SRD5A2: variants seen among roughly 807,000 people sequenced by gnomAD.
The protein encoded by SRD5A2 is steroid 5 alpha-reductase 2.
SRD5A2 carries 30 observed loss-of-function variants against 27.4 expected under a neutral mutation model. The observed-to-expected ratio is 1.10, with a 90% confidence interval of 0.82 to 1.49. The LOEUF is 1.49. Among genes scored for constraint, SRD5A2 ranks in the 40% most tolerant of loss-of-function variants. SRD5A2 has a pLI of 0.00. For missense variants in SRD5A2, 348 were observed against 323.4 expected (o/e 1.08, Z -0.58); for synonymous variants, 141 against 133.6 (o/e 1.06, Z -0.38).
chr2:31,532,334 A>G (rs1204977290), intron 2 of SRD5A2, among the ~76,000 whole-genome samples: 2 of 150,718 alleles, frequency 1.3e-5, no homozygotes, highest in African/African-American at 2.4e-5. Flanking sequence ...CGTGGCCACT[A>G]ACAAACTGAC....
chr2:31,629,888 T>C, the SRD5A2 span, among the ~76,000 whole-genome samples: 2 of 152,162 alleles, frequency 1.3e-5, no homozygotes, highest in African/African-American at 4.8e-5. Context: ...AGACTTTCAT[T>C]TCCTCTCCCA....
intron 1 of SRD5A2, among the ~76,000 whole-genome samples, chr2:31,577,182 AG>A (rs1666976294): frequency 7.0e-6 from 1 of 141,988 alleles, no homozygotes. Context: ...AAAAAAAAAA[AG>A]AGGTGAGATA....
At chr2:31,612,302 A>G in the SRD5A2 span, among the ~76,000 whole-genome samples, 1 of 151,324 alleles carries the variant, frequency 6.6e-6, no homozygotes, top group Admixed American at 6.6e-5. Flanking sequence ...AAAAAAAGAG[A>G]GAGAAAGAAA....
chr2:31,596,195 G>A, the SRD5A2 span, among the ~76,000 whole-genome samples: 9 of 152,040 alleles, frequency 5.9e-5, no homozygotes, highest in East Asian at 1.2e-3. Flanking sequence ...TGAGACCAGC[G>A]TGACCAATAC....
chr2:31,652,406 T>C, the SRD5A2 span, among the ~76,000 whole-genome samples: 4 of 152,042 alleles, frequency 2.6e-5, no homozygotes, highest in Admixed American at 6.6e-5. Context: ...ATGCACTCAG[T>C]ATCTAGCAGC....
At chr2:31,619,861 T>C in the SRD5A2 span, among the ~76,000 whole-genome samples, 815 of 152,288 alleles carry the variant, frequency 5.4e-3, 2 homozygotes, top group Non-Finnish European at 8.8e-3. Flanking sequence ...ATGTATAGTT[T>C]GCAAAATATT....
chr2:31,580,729 G>A lies in SRD5A2; in HGVS notation c.172C>T (p.Leu58=), dbSNP rs1463708428. The change falls in exon 1 of 5, where the codon CTG becomes TTG. Residue 58 remains leucine (L), a synonymous_variant. Coordinates refer to ENST00000622030, the MANE Select transcript of SRD5A2 (RefSeq NM_000348.4). The stretch of plus-strand genomic sequence containing the variant: ...CCCGCGGGCACCGCGAAGGAAGGCA[G>A]CTCCTGCAGGAACCAGGCGGCGCGG... ...PARAAWFLQE[L]PSFAVPAGIL... 9.3e-6 allele frequency: 15 copies of A among 1,608,428 alleles called. No individual in the cohort carries two copies. The highest frequency in any genetic ancestry group is 1.1e-5 in the Non-Finnish European group (13 of 1,179,500).
intron 1 of SRD5A2, among the ~76,000 whole-genome samples, chr2:31,555,443 C>A (rs1310327427): frequency 2.0e-5 from 3 of 152,288 alleles, no homozygotes; most frequent in Non-Finnish European, 4.4e-5. Context: ...TTCAACCCAA[C>A]AAATCTCGGT....
the SRD5A2 span, among the ~76,000 whole-genome samples, chr2:31,645,470 G>T: frequency 6.6e-6 from 1 of 151,920 alleles, no homozygotes; most frequent in African/African-American, 2.4e-5. Context: ...TTTTAAAAAC[G>T]AAATGGTCAT....
At position 31,575,345 on chromosome 2, in the gene SRD5A2, C is replaced by A. The variant is rs1371550901; in HGVS notation, c.281+5275G>T. Among the ~76,000 whole-genome samples the A allele has an allele frequency of 2.0e-5, 3 of 152,314 alleles. No individual in the cohort carries two copies. The East Asian group carries it at 5.8e-4, about 29-fold the overall frequency. On this transcript the variant is annotated intron_variant, in intron 1 of 4. Transcript: ENST00000622030. ...TTGATTTCCCCCTAACTGACCCAAC[C>A]TTTTGTGCTTTGCTTCTGTAAAATG...
chr2:31,557,034 AAGTT>A (rs1015019533), intron 1 of SRD5A2, among the ~76,000 whole-genome samples: 1 of 152,220 alleles, frequency 6.6e-6, no homozygotes, highest in Non-Finnish European at 1.5e-5. Context: ...CAATGAGACT[AAGTT>A]AGCCCAAGGT....
chr2:31,522,568 A>G lies in SRD5A2; in HGVS notation c.*3628T>C, dbSNP rs1665680125. The G allele has an allele frequency of 4.9e-6, 1 of 204,010 alleles. No individual in the cohort carries two copies. Among genetic ancestry groups the G allele is most frequent in the Non-Finnish European group, 1.0e-5 (1 of 99,554 alleles). The allele number at this position is 204,010 out of a possible 1,614,324, so 12.6% of individuals were successfully genotyped here. On this transcript the variant is annotated 3_prime_UTR_variant, in exon 5 of 5. Coordinates refer to ENST00000622030, the MANE Select transcript of SRD5A2 (RefSeq NM_000348.4). Reference sequence around the variant, plus strand: ...GATGGGGAGAAATGAGGCACAATGCAAATAACACAGAACTCTTTAAGATCA... The same window carrying G: ...GATGGGGAGAAATGAGGCACAATGCGAATAACACAGAACTCTTTAAGATCA...
the SRD5A2 span, among the ~76,000 whole-genome samples, chr2:31,631,686 G>T: frequency 6.6e-6 from 1 of 152,134 alleles, no homozygotes; most frequent in Admixed American, 6.5e-5. Flanking sequence ...TAATGTTACT[G>T]CTAGATCAGA....
At chr2:31,656,166 G>T in the SRD5A2 span, among the ~76,000 whole-genome samples, 28 of 152,270 alleles carry the variant, frequency 1.8e-4, no homozygotes, top group East Asian at 4.0e-3. Flanking sequence ...GTTATTTTTG[G>T]AGATCGTGAA....
At chr2:31,544,549 C>A (rs1177969581) in intron 1 of SRD5A2, among the ~76,000 whole-genome samples, 1 of 151,632 alleles carries the variant, frequency 6.6e-6, no homozygotes, top group Non-Finnish European at 1.5e-5. Flanking sequence ...TAGGATGCAG[C>A]AAAAGTAGTG....
At chr2:31,610,617 G>A in the SRD5A2 span, among the ~76,000 whole-genome samples, 1 of 151,978 alleles carries the variant, frequency 6.6e-6, no homozygotes, top group East Asian at 1.9e-4. Flanking sequence ...AATTAACATA[G>A]TACTGGAAGT....
intron 1 of SRD5A2, among the ~76,000 whole-genome samples, chr2:31,577,272 T>G (rs1184074583): frequency 7.0e-6 from 1 of 143,000 alleles, no homozygotes; most frequent in Non-Finnish European, 1.5e-5. Context: ...GGCTAAAGAA[T>G]CCAAACAGCC....
At chr2:31,556,481 A>G (rs1666497065) in intron 1 of SRD5A2, among the ~76,000 whole-genome samples, 1 of 152,236 alleles carries the variant, frequency 6.6e-6, no homozygotes, top group African/African-American at 2.4e-5. Context: ...AAAGCAGCTC[A>G]TCCTGTATAA....
chr2:31,574,381 C>T (rs567948420), intron 1 of SRD5A2, among the ~76,000 whole-genome samples: 1 of 152,304 alleles, frequency 6.6e-6, no homozygotes, highest in South Asian at 2.1e-4. Context: ...TGGTACATGT[C>T]ACTTTGCCAG....
Sources: gnomAD v4.1 joint callset for allele counts (sites outside exome capture counted in the v4.1 genomes callset) on GRCh38, gnomAD v4.1.1 for gene constraint, MANE v1.5 for transcripts, NCBI Gene and HGNC (gene_info 2026-07-23, HGNC 2026-07-21) for gene names.